ZNF428: variants seen among roughly 807,000 people sequenced by gnomAD.
ZNF428 encodes zinc finger protein 428.
In ZNF428, 5 loss-of-function variants were observed where a neutral mutation model predicts 15.6. That is an observed-to-expected ratio of 0.32 (90% CI 0.17 to 0.67). The LOEUF is 0.67. ZNF428 is among the 30% of genes least tolerant of loss of function. The pLI, the probability that ZNF428 is intolerant of heterozygous loss-of-function variation, is 0.73. For missense variants in ZNF428, 237 were observed against 256.0 expected, an observed-to-expected ratio of 0.93 and a Z score of 0.51; for synonymous variants, 97 against 102.2, an observed-to-expected ratio of 0.95 and a Z score of 0.31.
chr19:43,612,687 G>C lies in ZNF428; in HGVS notation c.76+1542C>G, dbSNP rs1568534700. ...AGGGAAAGGAGTGACAGCCAGCCTA[G>C]AAATCTGAGCAAGAAGAGTTACCGC... is the stretch of plus-strand genomic sequence containing the variant. On this transcript the variant is annotated intron_variant, in intron 2 of 2. Transcript: ENST00000300811. The surrounding 1 kb of genome is among the most constrained non-coding windows in gnomAD (Gnocchi z 4.2). 3 of 1,551,574 alleles carry C rather than the reference G, an allele frequency of 1.9e-6. No individual in the cohort carries two copies. Among genetic ancestry groups the C allele is most frequent in the East Asian group, 2.4e-5 (1 of 40,916 alleles).
chr19:43,614,563 G>T, intron 1 of ZNF428, 129 bp from the exon 2 acceptor site: 1 of 769,330 alleles, frequency 1.3e-6, no homozygotes, highest in South Asian at 2.9e-5. Flanking sequence ...GTCCCTGACT[G>T]TCTACAGGGT....
In ZNF428 at chr19:43,607,395, AAACAC is replaced by A. The variant is rs1568532919; in HGVS notation, c.*217_*221del. ...AATACACACACACACACACACACACAAACACACACACGGGCGGGAATACACACACA... is the reference window on the plus strand; with the variant it reads ...AATACACACACACACACACACACACAACACACGGGCGGGAATACACACACA... On this transcript the variant is annotated 3_prime_UTR_variant, in exon 3 of 3. Coordinates refer to ENST00000300811, the MANE Select transcript of ZNF428 (RefSeq NM_182498.4). This position sits in a 1 kb window ranked among gnomAD's most constrained non-coding sequence, Gnocchi z 5.1. 3.8e-5 allele frequency: 21 copies of A among 546,600 alleles called. No homozygotes were observed. The highest frequency in any genetic ancestry group is 5.5e-5 in the Non-Finnish European group (18 of 326,034). 33.9% of individuals were successfully genotyped at this position (546,600 alleles called of 1,614,324 possible). A position where few individuals can be genotyped will look rare whatever the true frequency, so the allele number is the denominator to read the frequency against.
rs536673309 is a variant in ZNF428, at chr19:43,607,407, G to A, written c.*210C>T. 152 of 536,082 alleles carry A rather than the reference G, an allele frequency of 2.8e-4. 1 individual carries two copies. The South Asian group carries it at 4.4e-3, about 16-fold the overall frequency. The allele number at this position is 536,082 out of a possible 1,614,324, so 33.2% of individuals were successfully genotyped here. ...CACACACACACACAAACACACACAC[G>A]GGCGGGAATACACACACACACACAC... On this transcript the variant is annotated 3_prime_UTR_variant, in exon 3 of 3. Transcript: ENST00000300811. This position sits in a 1 kb window ranked among gnomAD's most constrained non-coding sequence, Gnocchi z 5.1.
chr19:43,608,013 G>C lies in ZNF428; in HGVS notation c.171C>G (p.Asp57Glu), dbSNP rs151333697. The change falls in exon 3 of 3, where the codon GAC becomes GAG. Residue 57 changes from aspartate to glutamate, a missense_variant. Physicochemically the swap from Asp to Glu is conservative, Grantham distance 45. Coordinates refer to ENST00000300811, the MANE Select transcript of ZNF428 (RefSeq NM_182498.4). ...TGTAGCCAGGATCATATTCAGGATC[G>C]TCAGTGGTCTCCTCTTCCTCCTCCT... ...DEEEEEEETT[D>E]DPEYDPGYKV... 2 of 1,612,942 alleles carry C rather than the reference G, an allele frequency of 1.2e-6. No homozygotes were observed. The highest frequency in any genetic ancestry group is 1.7e-6 in the Non-Finnish European group (2 of 1,179,784).
chr19:43,611,958 C>T lies in ZNF428; in HGVS notation c.76+2271G>A, dbSNP rs923628471. On this transcript the variant is annotated intron_variant, in intron 2 of 2. Coordinates refer to ENST00000300811, the MANE Select transcript of ZNF428 (RefSeq NM_182498.4). ...CCTCAGGCTGGGACCCCTCCCCTCT[C>T]TCCTCCCACCTCTGACTTCATACCA... 6.4e-6 allele frequency: 4 copies of T among 629,058 alleles called. No homozygotes were observed. The Admixed American group carries it at 1.2e-4, about 18-fold the overall frequency. 39.0% of individuals were successfully genotyped at this position (629,058 alleles called of 1,614,324 possible). A position where few individuals can be genotyped will look rare whatever the true frequency, so the allele number is the denominator to read the frequency against.
chr19:43,616,512 A>G (rs930566112), intron 1 of ZNF428, among the ~76,000 whole-genome samples: 1 of 152,230 alleles, frequency 6.6e-6, no homozygotes, highest in East Asian at 1.9e-4. Context: ...CACAGAGGTG[A>G]TAAGTGAGTA....
chr19:43,609,264 A>G (rs965997549), intron 2 of ZNF428, among the ~76,000 whole-genome samples: 2 of 152,020 alleles, frequency 1.3e-5, no homozygotes, highest in Non-Finnish European at 2.9e-5. Flanking sequence ...CATGGCTGAC[A>G]CTGGATCATT....
Position 43,612,875 on chromosome 19 carries a change from A to T in ZNF428, c.76+1354T>A. The stretch of plus-strand genomic sequence containing the variant: ...GAGCTACGGTCAGATGATCATCCCC[A>T]GTAGGGAAAAGAGTTACAGCCCCAC... On this transcript the variant is annotated intron_variant, in intron 2 of 2. Transcript: ENST00000300811. The surrounding 1 kb of genome is among the most constrained non-coding windows in gnomAD (Gnocchi z 4.2). The T allele has an allele frequency of 6.4e-7, 1 of 1,551,712 alleles. No homozygotes were observed. Among genetic ancestry groups the T allele is most frequent in the Non-Finnish European group, 8.7e-7 (1 of 1,146,996 alleles).
rs1973256442 is a variant in ZNF428 at position 43,607,883 on chromosome 19, G to A, written c.301C>T (p.Leu101Phe). 4 of 1,558,966 alleles carry A rather than the reference G, an allele frequency of 2.6e-6. No homozygotes were observed. The highest frequency in any genetic ancestry group is 3.9e-5 in the Admixed American group (2 of 51,252). ...QPCQLCGRSP[L>F]GEAPPGTPPC... ...GGGGTTCCCGGTGGGGCCTCCCCAA[G>A]GGGTGAGCGGCCACAGAGCTGGCAA... The change falls in exon 3 of 3, where the codon CTT (leucine) becomes TTT (phenylalanine). Residue 101 changes from leucine to phenylalanine, a missense_variant. Transcript: ENST00000300811. This position sits in a 1 kb window ranked among gnomAD's most constrained non-coding sequence, Gnocchi z 5.1.
At chr19:43,615,538 A>C (rs989557080) in intron 1 of ZNF428, among the ~76,000 whole-genome samples, 30 of 151,994 alleles carry the variant, frequency 2.0e-4, no homozygotes, top group Non-Finnish European at 4.1e-4. Context: ...TCTCTAAAAA[A>C]AAAAAAAAAA....
At chr19:43,614,828 C>A (rs1325428052) in intron 1 of ZNF428, among the ~76,000 whole-genome samples, 1 of 152,276 alleles carries the variant, frequency 6.6e-6, no homozygotes, top group East Asian at 1.9e-4. Context: ...GAACTCCTGA[C>A]CTCAGGTGAT....
Position 43,607,900 on chromosome 19 carries a change from A to G in ZNF428, c.284T>C (p.Leu95Pro). ...AAQPPAQPCQ[L>P]CGRSPLGEAP... ...CTCCCCAAGGGGTGAGCGGCCACAG[A>G]GCTGGCAAGGCTGGGCCGGGGGCTG... Residue 95 changes from leucine to proline, a missense_variant, in exon 3 of 3, where the codon CTC becomes CCC. By Grantham distance (98) the Leu-to-Pro change is moderately conservative (BLOSUM62 -3). Transcript: ENST00000300811. This position sits in a 1 kb window ranked among gnomAD's most constrained non-coding sequence, Gnocchi z 5.1. The G allele has an allele frequency of 1.9e-6, 3 of 1,563,806 alleles. No homozygotes were observed. Among genetic ancestry groups the G allele is most frequent in the Non-Finnish European group, 2.6e-6 (3 of 1,154,152 alleles).
chr19:43,607,597 T>C lies in ZNF428; in HGVS notation c.*20A>G. On this transcript the variant is annotated 3_prime_UTR_variant, in exon 3 of 3. Coordinates refer to ENST00000300811, the MANE Select transcript of ZNF428 (RefSeq NM_182498.4). The surrounding 1 kb of genome is among the most constrained non-coding windows in gnomAD (Gnocchi z 5.1). Reference sequence around the variant, plus strand: ...TCCCACCCCACCCCTTCTGCCAAGCTCCCCGTATGGGGGCTCTGCCTACAC... The same window carrying C: ...TCCCACCCCACCCCTTCTGCCAAGCCCCCCGTATGGGGGCTCTGCCTACAC... 6.9e-7 allele frequency: 1 copy of C among 1,445,096 alleles called. No homozygotes were observed. The highest frequency in any genetic ancestry group is 2.1e-5 in the Admixed American group (1 of 48,114). 89.5% of individuals were successfully genotyped at this position (1,445,096 alleles called of 1,614,324 possible).
Position 43,607,806 on chromosome 19 carries a change from A to G in ZNF428, c.378T>C (p.Pro126=), listed in dbSNP as rs762888572. The G allele has an allele frequency of 1.1e-5, 17 of 1,576,346 alleles. No individual in the cohort carries two copies. The African/African-American group carries it at 2.3e-4, about 21-fold the overall frequency. The part of the protein sequence containing the change: ...PATAPQEAPA[P]EGRALGEEEE... ...CTTCCTCCCCGAGGGCCCTGCCTTC[A>G]GGGGCTGGTGCTTCCTGGGGGGCTG... Residue 126 remains proline, a synonymous_variant, in exon 3 of 3, where the codon CCT becomes CCC. Coordinates refer to ENST00000300811, the MANE Select transcript of ZNF428 (RefSeq NM_182498.4). The surrounding 1 kb of genome is among the most constrained non-coding windows in gnomAD (Gnocchi z 5.1).
In ZNF428 at chr19:43,614,433, T is replaced by A. The variant is rs1973351309; in HGVS notation, c.-129A>T. On this transcript the variant is annotated splice_region_variant and 5_prime_UTR_variant, in exon 2 of 3. Transcript: ENST00000300811. ...CAGGATGTTGGCAGGTAGAGAGGGATGCTGGATAGGGGGAAAGGAAAGACC... is the reference window on the plus strand; with the variant it reads ...CAGGATGTTGGCAGGTAGAGAGGGAAGCTGGATAGGGGGAAAGGAAAGACC... 6 of 1,452,970 alleles carry A rather than the reference T, an allele frequency of 4.1e-6. No homozygotes were observed. The East Asian group carries it at 1.5e-4, about 36-fold the overall frequency. 90.0% of individuals were successfully genotyped at this position (1,452,970 alleles called of 1,614,324 possible).
rs146955612 is a variant in ZNF428 at position 43,612,908 on chromosome 19, T to A, written c.76+1321A>T. The stretch of plus-strand genomic sequence containing the variant: ...AAAGAGTTACAGCCCCACTGAAATG[T>A]CCAGCAGGGTCAAGAGTTATAACCA... On this transcript the variant is annotated intron_variant, in intron 2 of 2. Coordinates refer to ENST00000300811, the MANE Select transcript of ZNF428 (RefSeq NM_182498.4). The surrounding 1 kb of genome is among the most constrained non-coding windows in gnomAD (Gnocchi z 4.2). 8.1e-4 allele frequency: 1,260 copies of A among 1,551,550 alleles called. 9 individuals are homozygous for A. In the African/African-American group the frequency reaches 0.016, roughly 19 times the overall value.
chr19:43,618,566 CTTTT>C (rs551668437), intron 1 of ZNF428, among the ~76,000 whole-genome samples: 113 of 98,330 alleles, frequency 1.1e-3, no homozygotes, highest in African/African-American at 3.6e-3. Flanking sequence ...TTAATTTTTA[CTTTT>C]TTTTTTTTTT....
At chr19:43,613,294 A>T (rs1436471498) in intron 2 of ZNF428, 1 of 1,551,576 alleles carries the variant, frequency 6.4e-7, no homozygotes, top group Non-Finnish European at 8.7e-7. Context: ...GTCGCAGTCA[A>T]TCAGGAAGCC....
At chr19:43,619,359 G>A (rs989082885) in intron 1 of ZNF428, among the ~76,000 whole-genome samples, 199 bp downstream of exon 1, 12 of 152,224 alleles carry the variant, frequency 7.9e-5, no homozygotes, top group African/African-American at 2.9e-4. Context: ...CTCCCACAGC[G>A]CTTCAAGGCG....
Sources: allele counts gnomAD v4.1 joint callset (sites outside exome capture counted in the v4.1 genomes callset), GRCh38; gene constraint gnomAD v4.1.1; non-coding constraint Gnocchi (gnomAD v3.1); transcripts MANE v1.5; gene names NCBI Gene and HGNC (gene_info 2026-07-23, HGNC 2026-07-21).